The following EVI5 variants were observed in gnomAD, a reference collection of about 807,000 sequenced individuals.
EVI5 encodes the protein ecotropic viral integration site 5 protein homolog.
Under a neutral mutation model 112.0 loss-of-function variants are expected in EVI5, and 73 were observed. The ratio of observed to expected loss-of-function variants is 0.65; its 90% CI spans 0.54 to 0.79. The LOEUF (loss-of-function observed/expected upper bound fraction) is 0.79. Among genes scored for constraint, EVI5 ranks in the 30% least tolerant of loss-of-function variants. The pLI is 0.00. For synonymous variants in EVI5, 305 were observed against 319.9 expected (o/e 0.95, Z 0.50); for missense variants, 900 against 968.8 (o/e 0.93, Z 0.94).
At chr1:92,652,314 A>G (rs996777771) in intron 13 of EVI5, among the ~76,000 whole-genome samples, 23 of 152,182 alleles carry the variant, frequency 1.5e-4, no homozygotes, top group African/African-American at 5.5e-4. Flanking sequence ...TAGAGACAGA[A>G]AGTAGAACAG....
At chr1:92,696,669 CT>C (rs1474201965) in intron 6 of EVI5, among the ~76,000 whole-genome samples, 2 of 151,764 alleles carry the variant, frequency 1.3e-5, no homozygotes, top group Non-Finnish European at 2.9e-5. Context: ...ATCTCAAAAC[CT>C]ATTCTGGCTT....
chr1:92,768,199 T>A (rs1038394143), intron 1 of EVI5, among the ~76,000 whole-genome samples: 2 of 152,122 alleles, frequency 1.3e-5, no homozygotes, highest in Non-Finnish European at 2.9e-5. Flanking sequence ...AAGGTCTTAA[T>A]TCCCTGAGCT....
intron 16 of EVI5, among the ~76,000 whole-genome samples, chr1:92,609,578 G>A (rs1473309279): frequency 2.0e-5 from 3 of 151,872 alleles, no homozygotes; most frequent in South Asian, 2.1e-4. Context: ...GGCTGGTCTC[G>A]AACTCCTAAC....
Position 92,596,195 on chromosome 1 carries a change from G to A in EVI5, c.2070+9112C>T, listed in dbSNP as rs1017773922. ...AACATGGCGAAACCCCACCTCTACA[G>A]AAAAAAAATACAAAAATTAGCCGGG... On this transcript the variant is annotated intron_variant, in intron 18 of 19. Coordinates refer to ENST00000684568, the MANE Select transcript of EVI5 (RefSeq NM_001350197.2). 2.0e-5 allele frequency among the ~76,000 whole-genome samples: 3 copies of A among 151,608 alleles called. No individual in the cohort carries two copies. In the East Asian group the frequency reaches 5.8e-4, roughly 29 times the overall value.
chr1:92,673,433 GT>G lies in EVI5; in HGVS notation c.1158+3724del, dbSNP rs549803996. 8.0e-3 allele frequency among the ~76,000 whole-genome samples: 1,219 copies of G among 151,940 alleles called. 12 individuals carry two copies. Among genetic ancestry groups the G allele is most frequent in the Non-Finnish European group, 0.013 (908 of 67,936 alleles). ...TGTTCGTATGTCTATCAGAATCAAA[GT>G]TTTTTTCCTTTTTAAAGATTTGTGG... On this transcript the variant is annotated intron_variant, in intron 10 of 19. Coordinates refer to ENST00000684568, the MANE Select transcript of EVI5 (RefSeq NM_001350197.2).
chr1:92,684,182 C>A (rs1668096107), intron 9 of EVI5, among the ~76,000 whole-genome samples: 1 of 152,080 alleles, frequency 6.6e-6, no homozygotes, highest in African/African-American at 2.4e-5. Context: ...AAGGGAAGCC[C>A]ATCAGACTAA....
intron 16 of EVI5, among the ~76,000 whole-genome samples, chr1:92,611,925 G>GA (rs921423006): frequency 3.4e-5 from 5 of 147,484 alleles, no homozygotes; most frequent in Admixed American, 6.8e-5. Context: ...ATTTAAAAAA[G>GA]AAAAAAAAAT....
At chr1:92,690,498 A>G (rs1388179460) in intron 9 of EVI5, among the ~76,000 whole-genome samples, 1 of 151,704 alleles carries the variant, frequency 6.6e-6, no homozygotes, top group Non-Finnish European at 1.5e-5. Flanking sequence ...GTACACCACC[A>G]TACCTGGCTA....
At chr1:92,685,833 C>G (rs879201764) in intron 9 of EVI5, among the ~76,000 whole-genome samples, 4 of 152,096 alleles carry the variant, frequency 2.6e-5, no homozygotes, top group African/African-American at 9.7e-5. Context: ...TACACCCTCC[C>G]AAGACTAAAC....
intron 12 of EVI5, 109 bp from the exon 13 acceptor site, chr1:92,662,974 T>C: frequency 6.6e-6 from 2 of 304,074 alleles, no homozygotes; most frequent in South Asian, 4.9e-5. Context: ...AAAAAAAAAG[T>C]CACCTCAGCG....
At chr1:92,594,077 T>A (rs1674491554) in intron 18 of EVI5, among the ~76,000 whole-genome samples, 1 of 152,036 alleles carries the variant, frequency 6.6e-6, no homozygotes, top group African/African-American at 2.4e-5. Context: ...CTAAAGTTCA[T>A]ATGGAACCAA....
At chr1:92,737,802 T>C (rs923485665) in intron 1 of EVI5, among the ~76,000 whole-genome samples, 2 of 152,186 alleles carry the variant, frequency 1.3e-5, no homozygotes, top group African/African-American at 4.8e-5. Flanking sequence ...TCTAAGGACA[T>C]AGTTAAGCCA....
At chr1:92,718,042 A>G (rs1674073675) in intron 2 of EVI5, among the ~76,000 whole-genome samples, 4 of 152,198 alleles carry the variant, frequency 2.6e-5, no homozygotes, top group Admixed American at 2.6e-4. Flanking sequence ...CAGATTCAAA[A>G]AGCAAGTCCT....
At position 92,667,477 on chromosome 1, in the gene EVI5, T is replaced by TTA. The variant is rs971625983; in HGVS notation, c.1159-1487_1159-1486dup. ...TTTTTTTGAAAAGCACTTTACCTAA[T>TTA]TATTCAATGCCTGGTTCCCAAAAAA... On this transcript the variant is annotated intron_variant, in intron 10 of 19. Coordinates refer to ENST00000684568, the MANE Select transcript of EVI5 (RefSeq NM_001350197.2). Among the ~76,000 whole-genome samples, 15 of 152,352 alleles carry TTA rather than the reference T, an allele frequency of 9.8e-5. No homozygotes were observed. In the Middle Eastern group the frequency reaches 0.017, roughly 173 times the overall value.
At chr1:92,675,254 G>A (rs577110923) in intron 10 of EVI5, among the ~76,000 whole-genome samples, 3 of 152,334 alleles carry the variant, frequency 2.0e-5, no homozygotes, top group South Asian at 2.1e-4. Context: ...TGAGGTGAGA[G>A]GATCGCTTGA....
At position 92,523,862 on chromosome 1, in the gene EVI5, G is replaced by C. The variant is rs1014139904; in HGVS notation, c.2167-9892C>G. ...GCACTTTGGGAGGCCGAGGCTGGTGGATCACTTGAGGTCAGAAGTTCGAGA... is the reference window on the plus strand; with the variant it reads ...GCACTTTGGGAGGCCGAGGCTGGTGCATCACTTGAGGTCAGAAGTTCGAGA... On this transcript the variant is annotated intron_variant, in intron 19 of 19. Coordinates refer to ENST00000684568, the MANE Select transcript of EVI5 (RefSeq NM_001350197.2). Among the ~76,000 whole-genome samples, 9 of 152,186 alleles carry C rather than the reference G, an allele frequency of 5.9e-5. 1 individual carries two copies. Among genetic ancestry groups the C allele is most frequent in the Admixed American group, 3.9e-4 (6 of 15,272 alleles).
chr1:92,680,456 T>C (rs571537894), intron 9 of EVI5, among the ~76,000 whole-genome samples: 8 of 152,186 alleles, frequency 5.3e-5, no homozygotes, highest in African/African-American at 1.9e-4. Context: ...CTGATGTAAA[T>C]AAATGAATAA....
intron 18 of EVI5, among the ~76,000 whole-genome samples, chr1:92,588,719 TAGTA>T (rs1673204075): frequency 6.6e-6 from 1 of 152,250 alleles, no homozygotes; most frequent in African/African-American, 2.4e-5. Flanking sequence ...GACAGGCACA[TAGTA>T]AGTACCCCAT....
intron 1 of EVI5, among the ~76,000 whole-genome samples, chr1:92,752,603 T>C (rs1297308881): frequency 1.3e-5 from 2 of 152,066 alleles, no homozygotes; most frequent in Non-Finnish European, 1.5e-5. Flanking sequence ...TTCTGGGAAC[T>C]TTTCCTTCTT....
Sources: allele counts gnomAD v4.1 joint callset (sites outside exome capture counted in the v4.1 genomes callset), GRCh38; gene constraint gnomAD v4.1.1; transcripts MANE v1.5; gene names NCBI Gene and HGNC (gene_info 2026-07-23, HGNC 2026-07-21).